Variants in GRM1 observed in about 807,000 individuals in gnomAD.
The protein encoded by GRM1 is metabotropic glutamate receptor 1.
Under a neutral mutation model 90.9 loss-of-function variants are expected in GRM1, and 33 were observed. That is an observed-to-expected ratio of 0.36 (90% confidence interval 0.28 to 0.49). The LOEUF (loss-of-function observed/expected upper bound fraction) is 0.49. GRM1 is among the 20% of genes least tolerant of loss of function. The pLI, the probability that GRM1 is intolerant of heterozygous loss-of-function variation, is 0.99. For missense variants in GRM1, 1,190 were observed against 1,534.3 expected (o/e 0.78, Z 3.75); for synonymous variants, 700 against 613.2 (o/e 1.14, Z -2.09).
At position 146,306,117 on chromosome 6, in the gene GRM1, A is replaced by G. The variant is rs891922981; in HGVS notation, c.1186+1271A>G. On this transcript the variant is annotated intron_variant, in intron 3 of 7. Transcript: ENST00000282753. ...TTGCCTGGTATGGATCTATTTTCAA[A>G]TAAGGAAGTTTCAATCTTTTAGAAC... 3.3e-5 allele frequency among the ~76,000 whole-genome samples: 5 copies of G among 152,204 alleles called. 1 individual carries two copies. In the South Asian group the frequency reaches 1.0e-3, roughly 32 times the overall value.
At chr6:146,297,793 A>G (rs1783235157) in intron 2 of GRM1, among the ~76,000 whole-genome samples, 1 of 152,228 alleles carries the variant, frequency 6.6e-6, no homozygotes, top group East Asian at 1.9e-4. Flanking sequence ...CCTGGTTGGC[A>G]TCTCAGAATA....
chr6:146,150,721 T>C (rs1583074667), intron 1 of GRM1, among the ~76,000 whole-genome samples: 1 of 152,116 alleles, frequency 6.6e-6, no homozygotes, highest in African/African-American at 2.4e-5. Flanking sequence ...CCACTACCAC[T>C]CCCAGCCTCT....
At chr6:146,332,918 A>G (rs534972410) in intron 3 of GRM1, among the ~76,000 whole-genome samples, 4 of 152,160 alleles carry the variant, frequency 2.6e-5, no homozygotes, top group Non-Finnish European at 5.9e-5. Flanking sequence ...TGCCTCAAAT[A>G]TACACTTATT....
intron 1 of GRM1, among the ~76,000 whole-genome samples, chr6:146,133,894 A>G (rs1053016217): frequency 1.1e-4 from 17 of 152,212 alleles, no homozygotes; most frequent in Non-Finnish European, 2.4e-4. Flanking sequence ...GAGAAAAGTA[A>G]TATCTTGATA....
At chr6:146,210,743 A>T (rs1583169231) in intron 2 of GRM1, among the ~76,000 whole-genome samples, 2 of 152,296 alleles carry the variant, frequency 1.3e-5, no homozygotes, top group East Asian at 3.9e-4. Flanking sequence ...TCATTCATTT[A>T]CAAATTCTTT....
chr6:146,428,364 T>C (rs56366488), intron 7 of GRM1, among the ~76,000 whole-genome samples: 1 of 152,348 alleles, frequency 6.6e-6, no homozygotes, highest in African/African-American at 2.4e-5. Flanking sequence ...ATCCTACTCC[T>C]GAGAAATAAT....
rs548959324 is a variant in GRM1 at position 146,344,584 on chromosome 6, A to G, written c.1187-7666A>G. Among the ~76,000 whole-genome samples, 105 of 152,292 alleles carry G rather than the reference A, an allele frequency of 6.9e-4. 3 individuals are homozygous for G. In the South Asian group the frequency reaches 0.021, roughly 31 times the overall value. On this transcript the variant is annotated intron_variant, in intron 3 of 7. Coordinates refer to ENST00000282753, the MANE Select transcript of GRM1 (RefSeq NM_001278064.2). ...GATATTGACTAAAGTTTCACTAGCC[A>G]TGAGTTTTTATTAGGCCCTCGGGAA...
chr6:146,054,981 G>C (rs1006533818), intron 1 of GRM1, among the ~76,000 whole-genome samples: 1 of 151,952 alleles, frequency 6.6e-6, no homozygotes, highest in Non-Finnish European at 1.5e-5. Flanking sequence ...GGGGAGCTGA[G>C]TGCTGGATGA....
At chr6:146,204,852 G>T in intron 2 of GRM1, among the ~76,000 whole-genome samples, 1 of 152,274 alleles carries the variant, frequency 6.6e-6, no homozygotes, top group South Asian at 2.1e-4. Flanking sequence ...AATGTGTAAG[G>T]CAGGGGCCTT....
intron 2 of GRM1, among the ~76,000 whole-genome samples, chr6:146,228,468 T>C (rs1780328858): frequency 1.3e-5 from 2 of 152,178 alleles, no homozygotes; most frequent in Non-Finnish European, 2.9e-5. Flanking sequence ...AATCCATTCC[T>C]GAAGGCTCCA....
intron 2 of GRM1, among the ~76,000 whole-genome samples, chr6:146,191,714 T>A (rs1429082860): frequency 6.6e-6 from 1 of 152,206 alleles, no homozygotes; most frequent in Non-Finnish European, 1.5e-5. Context: ...CCAATTTCTC[T>A]TCTTTTTTTC....
At chr6:146,267,686 G>GTCTC (rs1562568686) in intron 2 of GRM1, among the ~76,000 whole-genome samples, 2 of 104,432 alleles carry the variant, frequency 1.9e-5, no homozygotes, top group African/African-American at 1.8e-4. Flanking sequence ...GGCTGGGCTC[G>GTCTC]GCTCGGCTCG....
intron 2 of GRM1, among the ~76,000 whole-genome samples, chr6:146,220,870 C>A (rs985364171): frequency 2.0e-5 from 3 of 151,850 alleles, no homozygotes; most frequent in African/African-American, 7.3e-5. Context: ...AAATGCATGA[C>A]CAGGCAAGTC....
intron 2 of GRM1, among the ~76,000 whole-genome samples, chr6:146,267,915 C>G (rs981883341): frequency 6.6e-6 from 1 of 152,122 alleles, no homozygotes; most frequent in African/African-American, 2.4e-5. Context: ...ATCCCTCAAT[C>G]CAATCAAGTT....
rs763830804 is a variant in GRM1 at position 146,434,716 on chromosome 6, T to C, written c.3505T>C (p.Ser1169Pro). 4.2e-5 allele frequency: 67 copies of C among 1,601,924 alleles called. No individual in the cohort carries two copies. The highest frequency in any genetic ancestry group is 5.3e-5 in the Non-Finnish European group (63 of 1,179,916). Reference protein sequence around the residue: ...SSVPSSPVSESVLCTPPNVSY... With the variant: ...SSVPSSPVSEPVLCTPPNVSY... Reference sequence around the variant, plus strand: ...GGTGCCCAGCTCCCCCGTGTCCGAGTCGGTGCTCTGCACCCCTCCCAACGT... The same window carrying C: ...GGTGCCCAGCTCCCCCGTGTCCGAGCCGGTGCTCTGCACCCCTCCCAACGT... Residue 1169 changes from serine (S) to proline (P), a missense_variant, in exon 8 of 8, where the codon TCG (serine) becomes CCG (proline). Physicochemically the swap from Ser to Pro is moderately conservative, Grantham distance 74. This residue lies in a region of GRM1 where 48 missense variants were observed against 48.5 expected (regional missense o/e 0.99). Transcript: ENST00000282753.
At chr6:146,346,923 A>T (rs1785207750) in intron 3 of GRM1, among the ~76,000 whole-genome samples, 1 of 152,210 alleles carries the variant, frequency 6.6e-6, no homozygotes, top group African/African-American at 2.4e-5. Flanking sequence ...AGTCACATTT[A>T]CCATTGCTTC....
At chr6:146,163,872 T>C (rs978733135) in intron 2 of GRM1, among the ~76,000 whole-genome samples, 6 of 152,156 alleles carry the variant, frequency 3.9e-5, no homozygotes, top group African/African-American at 1.4e-4. Flanking sequence ...TGATAATTCA[T>C]TAACGGATAA....
chr6:146,290,231 C>G, intron 2 of GRM1, among the ~76,000 whole-genome samples: 1 of 152,126 alleles, frequency 6.6e-6, no homozygotes, highest in East Asian at 1.9e-4. Flanking sequence ...CCTTAGCCAT[C>G]TCCAGAGAAA....
At chr6:146,259,722 T>G (rs1039228335) in intron 2 of GRM1, among the ~76,000 whole-genome samples, 5 of 152,122 alleles carry the variant, frequency 3.3e-5, no homozygotes, top group Admixed American at 2.6e-4. Flanking sequence ...TTTGGGTTGT[T>G]TCTATATCTT....
Sources: allele counts gnomAD v4.1 joint callset (sites outside exome capture counted in the v4.1 genomes callset), GRCh38; gene constraint gnomAD v4.1.1; regional missense constraint gnomAD v4.1.1; transcripts MANE v1.5; gene names NCBI Gene and HGNC (gene_info 2026-07-23, HGNC 2026-07-21).